LUZP2: variants seen among roughly 807,000 people sequenced by gnomAD.
LUZP2 encodes leucine zipper protein 2.
Under a neutral mutation model 51.6 loss-of-function variants are expected in LUZP2, and 52 were observed. That is an observed-to-expected ratio of 1.01 (90% CI 0.81 to 1.27). The LOEUF (loss-of-function observed/expected upper bound fraction) is 1.27. Ranked by LOEUF, LUZP2 falls within the 50% of genes most tolerant of loss-of-function variation. LUZP2 has a pLI of 0.00. For missense variants in LUZP2, 436 were observed against 395.4 expected, an observed-to-expected ratio of 1.10 and a Z score of -0.87; for synonymous variants, 154 against 137.3, an observed-to-expected ratio of 1.12 and a Z score of -0.85.
At chr11:24,576,165 C>A (rs1852638372) in intron 1 of LUZP2, among the ~76,000 whole-genome samples, 1 of 152,052 alleles carries the variant, frequency 6.6e-6, no homozygotes, top group South Asian at 2.1e-4. Flanking sequence ...GTAATCCCAG[C>A]ACTTTGGGAT....
intron 1 of LUZP2, among the ~76,000 whole-genome samples, chr11:24,701,753 A>G (rs1160042578): frequency 2.0e-5 from 3 of 152,162 alleles, no homozygotes; most frequent in African/African-American, 7.2e-5. Context: ...TTATTTGTCA[A>G]TTGTTTATTT....
intron 7 of LUZP2, among the ~76,000 whole-genome samples, chr11:24,922,330 G>C (rs1447129545): frequency 6.6e-6 from 1 of 152,148 alleles, no homozygotes; most frequent in Non-Finnish European, 1.5e-5. Flanking sequence ...CTCTTGAAGA[G>C]AGGGCATTGC....
At chr11:24,608,287 A>G (rs1188096157) in intron 1 of LUZP2, among the ~76,000 whole-genome samples, 1 of 152,208 alleles carries the variant, frequency 6.6e-6, no homozygotes, top group Non-Finnish European at 1.5e-5. Flanking sequence ...TTTAACACAG[A>G]GTGAGTATAA....
At chr11:24,673,174 C>T (rs1856451817) in intron 1 of LUZP2, among the ~76,000 whole-genome samples, 1 of 152,056 alleles carries the variant, frequency 6.6e-6, no homozygotes, top group Admixed American at 6.5e-5. Context: ...GGGACCACTG[C>T]TTTAGGCAAT....
intron 1 of LUZP2, among the ~76,000 whole-genome samples, chr11:24,713,000 C>G (rs1857896086): frequency 6.6e-6 from 1 of 152,106 alleles, no homozygotes. Context: ...CCTTACTTCC[C>G]CAGAAGAGAC....
chr11:24,757,901 G>A (rs899561159), intron 4 of LUZP2, among the ~76,000 whole-genome samples: 4 of 152,034 alleles, frequency 2.6e-5, no homozygotes, highest in African/African-American at 9.7e-5. Context: ...ATAGACCAAT[G>A]CATTTGGAAT....
intron 7 of LUZP2, among the ~76,000 whole-genome samples, chr11:24,956,931 A>AC (rs1806761354): frequency 6.6e-6 from 1 of 152,148 alleles, no homozygotes. Flanking sequence ...AATAAAAAAA[A>AC]ATTAGAATAC....
At chr11:24,738,759 C>T (rs1184618441) in intron 4 of LUZP2, among the ~76,000 whole-genome samples, 3 of 152,076 alleles carry the variant, frequency 2.0e-5, no homozygotes, top group African/African-American at 2.4e-5. Context: ...ATGAATCAAA[C>T]TCCTCTCCTG....
At chr11:25,032,490 T>C (rs547299575) in intron 9 of LUZP2, among the ~76,000 whole-genome samples, 6 of 152,294 alleles carry the variant, frequency 3.9e-5, no homozygotes, top group Non-Finnish European at 7.3e-5. Context: ...TTTGCTCTAA[T>C]ATTCTGATAC....
chr11:24,541,144 T>C (rs1195101148), intron 1 of LUZP2, among the ~76,000 whole-genome samples: 1 of 151,314 alleles, frequency 6.6e-6, no homozygotes. Context: ...TCCCAGCTAC[T>C]TGGGAGGCTG....
rs371319343 is a variant in LUZP2, at chr11:24,703,432, T to C, written c.63-25737T>C. Among the ~76,000 whole-genome samples the C allele has an allele frequency of 8.5e-5, 13 of 152,180 alleles. No homozygotes were observed. In the East Asian group the frequency reaches 2.5e-3, roughly 29 times the overall value. ...TTGGAAGGGAAACGTCAAGCCTGAA[T>C]AGCCTGATTTTAGATTTCATTCAGA... On this transcript the variant is annotated intron_variant, in intron 1 of 11. Coordinates refer to ENST00000336930, the MANE Select transcript of LUZP2 (RefSeq NM_001009909.4).
intron 1 of LUZP2, among the ~76,000 whole-genome samples, chr11:24,702,638 T>C (rs1225099214): frequency 1.3e-5 from 2 of 152,128 alleles, no homozygotes; most frequent in Non-Finnish European, 2.9e-5. Context: ...GCCTCACTTA[T>C]CACCAAGGGG....
chr11:24,532,277 A>C (rs1345530632), intron 1 of LUZP2, among the ~76,000 whole-genome samples: 2 of 150,988 alleles, frequency 1.3e-5, no homozygotes, highest in African/African-American at 4.8e-5. Context: ...AAATAAGAAT[A>C]ATTCATTTAT....
At chr11:24,735,346 T>C (rs557405607) in intron 3 of LUZP2, among the ~76,000 whole-genome samples, 1 of 151,992 alleles carries the variant, frequency 6.6e-6, no homozygotes, top group African/African-American at 2.4e-5. Flanking sequence ...ATGCCAGGAC[T>C]GAGAATATAT....
intron 1 of LUZP2, among the ~76,000 whole-genome samples, chr11:24,559,093 T>C (rs1377180440): frequency 6.6e-6 from 1 of 152,220 alleles, no homozygotes; most frequent in African/African-American, 2.4e-5. Flanking sequence ...AGGAAACTCC[T>C]GTAGATTACA....
chr11:24,847,304 C>T (rs1851233049), intron 5 of LUZP2, among the ~76,000 whole-genome samples: 1 of 151,966 alleles, frequency 6.6e-6, no homozygotes, highest in Non-Finnish European at 1.5e-5. Context: ...TAAGATCACT[C>T]ATTGCATATA....
chr11:24,839,706 A>G (rs1850965325), intron 5 of LUZP2, among the ~76,000 whole-genome samples: 1 of 151,712 alleles, frequency 6.6e-6, no homozygotes, highest in South Asian at 2.1e-4. Context: ...CCATGAAAAT[A>G]GCAAAATAGT....
intron 5 of LUZP2, among the ~76,000 whole-genome samples, chr11:24,776,851 A>G (rs1170862125): frequency 1.3e-5 from 2 of 152,138 alleles, no homozygotes; most frequent in Non-Finnish European, 2.9e-5. Context: ...TCCAATCCTC[A>G]GAGATTCATC....
intron 5 of LUZP2, among the ~76,000 whole-genome samples, chr11:24,864,769 A>C (rs528986788): frequency 3.9e-5 from 6 of 152,224 alleles, no homozygotes; most frequent in African/African-American, 1.4e-4. Context: ...ATGCTGCTTC[A>C]TAAGTCCCAC....
Sources: gnomAD v4.1 joint callset for allele counts (sites outside exome capture counted in the v4.1 genomes callset) on GRCh38, gnomAD v4.1.1 for gene constraint, MANE v1.5 for transcripts, NCBI Gene and HGNC (gene_info 2026-07-23, HGNC 2026-07-21) for gene names.